Variants in FER observed in about 807,000 individuals in gnomAD.
The protein encoded by FER is tyrosine-protein kinase Fer.
A neutral mutation model predicts 111.0 loss-of-function variants in FER; 63 were observed. The observed-to-expected ratio is 0.57, with a 90% CI of 0.46 to 0.70. FER has a LOEUF of 0.70. Among genes scored for constraint, FER ranks in the 30% least tolerant of loss-of-function variants. The pLI is 0.00. For synonymous variants in FER, 327 were observed against 313.9 expected (o/e 1.04, Z -0.44); for missense variants, 914 against 954.0 (o/e 0.96, Z 0.55).
At chr5:109,178,060 A>G (rs1051924508) in intron 17 of FER, among the ~76,000 whole-genome samples, 2 of 152,234 alleles carry the variant, frequency 1.3e-5, no homozygotes, top group African/African-American at 2.4e-5. Context: ...GGAAAAGTGT[A>G]TGATTGCCTT....
At chr5:108,927,395 G>A (rs1753926733) in intron 10 of FER, among the ~76,000 whole-genome samples, 1 of 151,656 alleles carries the variant, frequency 6.6e-6, no homozygotes, top group African/African-American at 2.4e-5. Flanking sequence ...CGAGTAGCTG[G>A]GACTACAGGC....
At chr5:108,801,467 A>G (rs1283842398) in intron 3 of FER, among the ~76,000 whole-genome samples, 1 of 152,218 alleles carries the variant, frequency 6.6e-6, no homozygotes, top group Admixed American at 6.5e-5. Context: ...ATGTTCTAAT[A>G]TCCCCAGTAG....
chr5:108,818,828 A>G (rs761889687), intron 3 of FER, among the ~76,000 whole-genome samples: 2 of 152,190 alleles, frequency 1.3e-5, no homozygotes, highest in Non-Finnish European at 2.9e-5. Context: ...GTGACTCACC[A>G]ATCTTGCCCT....
intron 10 of FER, among the ~76,000 whole-genome samples, chr5:108,898,413 C>G (rs971360965): frequency 5.5e-4 from 84 of 151,662 alleles, no homozygotes; most frequent in African/African-American, 1.8e-3. Context: ...TTCTTCTCTC[C>G]TTTCCTTTCC....
intron 10 of FER, chr5:108,924,797 G>A (rs1042831938): frequency 6.5e-6 from 8 of 1,231,960 alleles, no homozygotes; most frequent in African/African-American, 1.6e-5. Flanking sequence ...CAGGTAAGGA[G>A]AAGTTCTGCC....
chr5:108,893,453 T>C (rs1011410909), intron 9 of FER, among the ~76,000 whole-genome samples: 1 of 152,126 alleles, frequency 6.6e-6, no homozygotes, highest in Non-Finnish European at 1.5e-5. Flanking sequence ...AGATTTTACA[T>C]TTAAATCTAC....
Position 108,853,492 on chromosome 5 carries a change from T to G in FER, c.482-14275T>G, listed in dbSNP as rs115708833. Among the ~76,000 whole-genome samples, 442 of 152,320 alleles carry G rather than the reference T, an allele frequency of 2.9e-3. 4 individuals carry two copies. Among genetic ancestry groups the G allele is most frequent in the African/African-American group, 0.01 (425 of 41,564 alleles). ...GGGTATTGAGAAGATGATCATGTAT[T>G]CCTCATGGAGAAAGAAACATTTAAA... On this transcript the variant is annotated intron_variant, in intron 5 of 19. Transcript: ENST00000281092.
At chr5:109,106,514 A>G (rs1458378272) in intron 17 of FER, among the ~76,000 whole-genome samples, 4 of 152,192 alleles carry the variant, frequency 2.6e-5, no homozygotes, top group African/African-American at 9.7e-5. Flanking sequence ...TTTTGAATAT[A>G]TTAAGCTGTA....
intron 13 of FER, among the ~76,000 whole-genome samples, chr5:109,025,523 G>A (rs1289438885): frequency 1.3e-5 from 2 of 151,894 alleles, no homozygotes; most frequent in African/African-American, 2.4e-5. Context: ...ATTTTGGGCT[G>A]AGACAATGGG....
chr5:108,995,737 G>A (rs2149763179), intron 13 of FER, among the ~76,000 whole-genome samples: 1 of 152,314 alleles, frequency 6.6e-6, no homozygotes, highest in African/African-American at 2.4e-5. Flanking sequence ...ACGTGTGCAT[G>A]TGTCTTTATA....
intron 17 of FER, among the ~76,000 whole-genome samples, chr5:109,108,900 TA>T (rs1211676915): frequency 6.6e-6 from 1 of 152,146 alleles, no homozygotes; most frequent in Non-Finnish European, 1.5e-5. Flanking sequence ...CTCTCAATTT[TA>T]AAAATTACTG....
At chr5:108,793,298 C>T (rs1179601355) in intron 2 of FER, among the ~76,000 whole-genome samples, 1 of 152,072 alleles carries the variant, frequency 6.6e-6, no homozygotes, top group Non-Finnish European at 1.5e-5. Flanking sequence ...AACATAACGA[C>T]CACCAGTTCT....
rs1750105645 is a variant in FER, at chr5:109,115,394, CAAGT to C, written c.2048+14878_2048+14881del. On this transcript the variant is annotated intron_variant, in intron 17 of 19. Transcript: ENST00000281092. The stretch of plus-strand genomic sequence containing the variant: ...ATCCAAATTGAAACCAGGTATTTTC[CAAGT>C]AATACTGCCATACCTATTCACCAGC... Among the ~76,000 whole-genome samples, 4 of 152,064 alleles carry C rather than the reference CAAGT, an allele frequency of 2.6e-5. No individual in the cohort carries two copies. In the South Asian group the frequency reaches 8.3e-4, roughly 31 times the overall value.
At chr5:108,826,411 T>C (rs942332826) in intron 3 of FER, among the ~76,000 whole-genome samples, 106 of 152,250 alleles carry the variant, frequency 7.0e-4, no homozygotes, top group Non-Finnish European at 1.3e-3. Flanking sequence ...CTTTCCTTTT[T>C]TTCCAATTTA....
At chr5:109,182,294 C>G (rs1758367793) in intron 18 of FER, among the ~76,000 whole-genome samples, 2 of 152,322 alleles carry the variant, frequency 1.3e-5, no homozygotes, top group South Asian at 4.1e-4. Context: ...GCTGACCCAG[C>G]TACCACAGAT....
chr5:109,108,482 T>G (rs1474985437), intron 17 of FER, among the ~76,000 whole-genome samples: 1 of 152,138 alleles, frequency 6.6e-6, no homozygotes, highest in Non-Finnish European at 1.5e-5. Context: ...ATAGATCCTA[T>G]CTCTGTATTT....
intron 5 of FER, among the ~76,000 whole-genome samples, chr5:108,855,919 C>T (rs1580892872): frequency 6.7e-6 from 1 of 148,240 alleles, no homozygotes; most frequent in Non-Finnish European, 1.5e-5. Context: ...ACGGAATTAA[C>T]TGGAAGAAGT....
intron 11 of FER, among the ~76,000 whole-genome samples, chr5:108,948,162 G>T (rs987158724): frequency 6.6e-6 from 1 of 151,942 alleles, no homozygotes; most frequent in Non-Finnish European, 1.5e-5. Flanking sequence ...AGAATTAATC[G>T]CAATGGTATT....
chr5:108,961,184 T>A (rs186966326), intron 13 of FER, among the ~76,000 whole-genome samples: 17 of 152,304 alleles, frequency 1.1e-4, no homozygotes, highest in Admixed American at 3.9e-4. Flanking sequence ...CAGGAAGATA[T>A]TTTTTATCCA....
Sources: allele counts gnomAD v4.1 joint callset (sites outside exome capture counted in the v4.1 genomes callset), GRCh38; gene constraint gnomAD v4.1.1; transcripts MANE v1.5; gene names NCBI Gene and HGNC (gene_info 2026-07-23, HGNC 2026-07-21).